SHROOM2: variants seen among roughly 807,000 people sequenced by gnomAD.
SHROOM2 encodes protein Shroom2.
SHROOM2 carries 33 observed loss-of-function variants against 75.9 expected under a neutral mutation model. That is an observed-to-expected ratio of 0.43 (90% CI 0.33 to 0.58). The LOEUF is 0.58. SHROOM2 is among the 20% of genes least tolerant of loss of function. The pLI is 0.04. For synonymous variants in SHROOM2, 655 were observed against 663.6 expected (o/e 0.99, Z 0.20); for missense variants, 1,434 against 1,461.2 (o/e 0.98, Z 0.30).
At chrX:9,919,323 G>A in intron 5 of SHROOM2, among the ~76,000 whole-genome samples, 1 of 47,350 alleles carries the variant, frequency 2.1e-5, no homozygotes, top group South Asian at 1.2e-3. Flanking sequence ...GGAGGAGGTT[G>A]CTTTTTTTTT....
chrX:9,908,536 A>G (rs769229909), intron 5 of SHROOM2, among the ~76,000 whole-genome samples: 75 of 112,114 alleles, frequency 6.7e-4, no homozygotes, highest in Non-Finnish European at 1.3e-3. Flanking sequence ...AGATTTGAGC[A>G]TCTTATAAGC....
At chrX:9,910,105 G>T (rs1343021896) in intron 5 of SHROOM2, among the ~76,000 whole-genome samples, 1 of 110,715 alleles carries the variant, frequency 9.0e-6, no homozygotes, top group Non-Finnish European at 1.9e-5. Context: ...GAATTTGGGG[G>T]TGGGGGGCAC....
chrX:9,925,861 G>A (rs963633351), intron 5 of SHROOM2, among the ~76,000 whole-genome samples: 1 of 112,518 alleles, frequency 8.9e-6, no homozygotes, highest in African/African-American at 3.2e-5. Context: ...ATGAGGCAGT[G>A]CCGTTGCCCA....
intron 2 of SHROOM2, among the ~76,000 whole-genome samples, chrX:9,884,371 T>TTC (rs1206904855): frequency 1.0e-4 from 7 of 69,833 alleles, no homozygotes; most frequent in African/African-American, 6.4e-4. Flanking sequence ...TTCTTTTCTT[T>TTC]TTTTTTTTTT....
At chrX:9,830,775 T>C (rs1019386354) in intron 1 of SHROOM2, among the ~76,000 whole-genome samples, 2 of 109,053 alleles carry the variant, frequency 1.8e-5, no homozygotes, top group Admixed American at 9.8e-5. Context: ...CTAATATTTT[T>C]GTATTTTTAG....
intron 1 of SHROOM2, among the ~76,000 whole-genome samples, chrX:9,797,627 C>T (rs1261490584): frequency 3.6e-5 from 4 of 112,465 alleles, no homozygotes; most frequent in Admixed American, 9.4e-5. Context: ...CGCCCATTGG[C>T]GTCTTTCCAC....
chrX:9,939,273 G>A lies in SHROOM2; in HGVS notation c.4218G>A (p.Ala1406=), dbSNP rs756695165. The A allele has an allele frequency of 3.5e-5, 42 of 1,208,695 alleles. No individual in the cohort carries two copies. In the South Asian group the frequency reaches 6.2e-4, roughly 18 times the overall value. The change falls in exon 8 of 10, where the codon GCG becomes GCA. Residue 1406 remains alanine, a synonymous_variant. Transcript: ENST00000380913. ...STYYSTSAPK[A]ELLIKMKDLQ... ...ACTACAGCACGTCGGCCCCCAAGGC[G>A]GAGCTGCTGATCAAGATGAAGGACC... is the stretch of plus-strand genomic sequence containing the variant.
intron 1 of SHROOM2, among the ~76,000 whole-genome samples, chrX:9,822,459 G>T (rs886555956): frequency 6.2e-5 from 7 of 112,778 alleles, no homozygotes; most frequent in African/African-American, 1.3e-4. Flanking sequence ...GAATTAGGAA[G>T]CCTTGTCCTA....
intron 5 of SHROOM2, among the ~76,000 whole-genome samples, chrX:9,899,880 C>T (rs1253403178): frequency 3.6e-5 from 4 of 112,368 alleles, no homozygotes; most frequent in African/African-American, 1.3e-4. Flanking sequence ...GTGGGCAGTG[C>T]TCGATGGGCT....
intron 9 of SHROOM2, 89 bp downstream of exon 9, chrX:9,945,002 C>A: frequency 1.0e-6 from 1 of 984,473 alleles, no homozygotes; most frequent in Non-Finnish European, 1.4e-6. Flanking sequence ...CTCCTTGGAG[C>A]CTAGCATAGC....
chrX:9,932,742 T>C lies in SHROOM2; in HGVS notation c.3459T>C (p.Pro1153=), dbSNP rs1450255035. ...ASRPLPEALL[P]PKQQHLRLQT... is the part of the protein sequence containing the mutation. The stretch of plus-strand genomic sequence containing the variant: ...GTCCTCTGCCAGAAGCACTGCTCCC[T>C]CCCAAGCAGCAGCACCTGCGCCTGC... Residue 1153 remains proline, a synonymous_variant, in exon 6 of 10, where the codon CCT becomes CCC. Coordinates refer to ENST00000380913, the MANE Select transcript of SHROOM2 (RefSeq NM_001649.4). 3 of 1,209,209 alleles carry C rather than the reference T, an allele frequency of 2.5e-6. No homozygotes were observed. Among genetic ancestry groups the C allele is most frequent in the African/African-American group, 1.7e-5 (1 of 57,312 alleles).
chrX:9,801,789 C>CA (rs1490745812), intron 1 of SHROOM2, among the ~76,000 whole-genome samples: 2 of 108,545 alleles, frequency 1.8e-5, no homozygotes, highest in Non-Finnish European at 3.8e-5. Flanking sequence ...CCCGTCTCTA[C>CA]AAAAAAATAC....
intron 5 of SHROOM2, among the ~76,000 whole-genome samples, chrX:9,921,729 C>G (rs1230217603): frequency 8.9e-6 from 1 of 112,160 alleles, no homozygotes; most frequent in African/African-American, 3.2e-5. Context: ...GCTTGTCTCA[C>G]TTAGCATAAT....
chrX:9,910,046 G>A (rs1180503680), intron 5 of SHROOM2, among the ~76,000 whole-genome samples: 2 of 110,222 alleles, frequency 1.8e-5, no homozygotes, highest in African/African-American at 6.6e-5. Context: ...TCACCTCCCA[G>A]AGGCCCCACC....
chrX:9,822,896 G>C (rs1356667966), intron 1 of SHROOM2, among the ~76,000 whole-genome samples: 1 of 112,128 alleles, frequency 8.9e-6, no homozygotes, highest in African/African-American at 3.2e-5. Context: ...AACACTGGCA[G>C]CGGGGGTCTT....
intron 2 of SHROOM2, among the ~76,000 whole-genome samples, chrX:9,880,719 GT>G (rs200446006): frequency 1.8e-5 from 2 of 111,136 alleles, no homozygotes; most frequent in African/African-American, 6.6e-5. Flanking sequence ...ACAAAAGCCT[GT>G]TTTTTTTGTT....
intron 4 of SHROOM2, among the ~76,000 whole-genome samples, chrX:9,897,521 C>G (rs1175676482): frequency 2.0e-5 from 2 of 102,253 alleles, no homozygotes; most frequent in African/African-American, 7.3e-5. Flanking sequence ...GAGTTCCAGA[C>G]CAGTCTGGGC....
chrX:9,857,372 T>C (rs1243243296), intron 1 of SHROOM2, among the ~76,000 whole-genome samples: 1 of 107,036 alleles, frequency 9.3e-6, no homozygotes, highest in Non-Finnish European at 1.9e-5. Context: ...CTAGTTTTAT[T>C]TTTTAATTAA....
At chrX:9,848,142 C>T (rs1394902537) in intron 1 of SHROOM2, among the ~76,000 whole-genome samples, 1 of 112,098 alleles carries the variant, frequency 8.9e-6, no homozygotes, top group Non-Finnish European at 1.9e-5. Flanking sequence ...ATACTGAGGC[C>T]ATCGAGGAAC....
Sources: allele counts gnomAD v4.1 joint callset (sites outside exome capture counted in the v4.1 genomes callset), GRCh38; gene constraint gnomAD v4.1.1; transcripts MANE v1.5; gene names NCBI Gene and HGNC (gene_info 2026-07-23, HGNC 2026-07-21).